Variants in MTMR10 observed in about 807,000 individuals in gnomAD.
MTMR10 encodes myotubularin related protein 10.
Under a neutral mutation model 88.1 loss-of-function variants are expected in MTMR10, and 56 were observed. That is an observed-to-expected ratio of 0.64 (90% CI 0.51 to 0.79). The LOEUF is 0.79. Ranked by LOEUF, MTMR10 falls within the 30% of genes least tolerant of loss-of-function variation. The pLI is 0.00. For missense variants in MTMR10, 883 were observed against 924.7 expected, an observed-to-expected ratio of 0.95 and a Z score of 0.58; for synonymous variants, 380 against 340.9, an observed-to-expected ratio of 1.11 and a Z score of -1.26.
chr15:30,943,681 C>T (rs2063121647), intron 14 of MTMR10: 2 of 985,314 alleles, frequency 2.0e-6, no homozygotes, highest in Non-Finnish European at 2.4e-6. Context: ...CAGGAGTCCA[C>T]CTCTAGCCCG....
At chr15:30,989,862 G>A (rs2031194750) in intron 2 of MTMR10, among the ~76,000 whole-genome samples, 1 of 152,124 alleles carries the variant, frequency 6.6e-6, no homozygotes. Context: ...TGGGATTACA[G>A]GCATGAGCCA....
rs1395835324 is a variant in MTMR10 at position 30,959,975 on chromosome 15, T to C, written c.759-854A>G. ...GATCCCCTAGGGAACCAGCTCACTA[T>C]TTGGAAAAATGTTAAGTAAAGGAGA... On this transcript the variant is annotated intron_variant, in intron 7 of 15. Transcript: ENST00000435680. 3.3e-5 allele frequency among the ~76,000 whole-genome samples: 5 copies of C among 152,302 alleles called. No individual in the cohort carries two copies. In the East Asian group the frequency reaches 9.6e-4, roughly 29 times the overall value.
chr15:30,928,338 A>T, the MTMR10 span: 1 of 1,300,176 alleles, frequency 7.7e-7, no homozygotes, highest in Non-Finnish European at 9.7e-7. Flanking sequence ...GATTACTAAG[A>T]TTTTTGCCCT....
At chr15:30,926,663 C>T in the MTMR10 span, 13 of 985,226 alleles carry the variant, frequency 1.3e-5, no homozygotes, top group East Asian at 4.5e-4. Flanking sequence ...CAGAGAGATA[C>T]AGTAGGCCTG....
At chr15:30,976,792 A>C (rs1411379510) in intron 3 of MTMR10, 27 bp downstream of exon 3, 1 of 1,600,030 alleles carries the variant, frequency 6.2e-7, no homozygotes, top group East Asian at 2.2e-5. Flanking sequence ...GCCTGATAGA[A>C]TGAAACAGTG....
chr15:30,977,884 A>G (rs1353155603), intron 2 of MTMR10, among the ~76,000 whole-genome samples: 1 of 152,254 alleles, frequency 6.6e-6, no homozygotes, highest in Non-Finnish European at 1.5e-5. Context: ...AAAAATGTAC[A>G]AGGCTAGTTT....
In MTMR10 at chr15:30,941,589, A is replaced by G. The variant is rs1421879939; in HGVS notation, c.2215T>C (p.Phe739Leu). The change falls in exon 16 of 16, where the codon TTT becomes CTT. Residue 739 changes from phenylalanine (F) to leucine (L), a missense_variant. Physicochemically the swap from Phe to Leu is conservative, Grantham distance 22. This residue lies in a region of MTMR10 where 343 missense variants were observed against 323.2 expected (regional missense o/e 1.06). Coordinates refer to ENST00000435680, the MANE Select transcript of MTMR10 (RefSeq NM_017762.3). ...SGTPEFLSSS[F>L]PFSPVGNLCR... Reference sequence around the variant, plus strand: ...AGATTCCCTACAGGAGAAAATGGAAATGAGGAGGAGAGAAACTCCGGTGTC... The same window carrying G: ...AGATTCCCTACAGGAGAAAATGGAAGTGAGGAGGAGAGAAACTCCGGTGTC... 2 of 1,600,020 alleles carry G rather than the reference A, an allele frequency of 1.2e-6. No homozygotes were observed. The highest frequency in any genetic ancestry group is 3.5e-5 in the Admixed American group (2 of 57,112).
the MTMR10 span, among the ~76,000 whole-genome samples, chr15:30,919,562 G>C: frequency 6.6e-6 from 1 of 151,098 alleles, no homozygotes; most frequent in Non-Finnish European, 1.5e-5. Context: ...GTTGTGACGA[G>C]TGTCTGTAAT....
chr15:30,950,621 G>A (rs1314562723), intron 12 of MTMR10, among the ~76,000 whole-genome samples: 3 of 150,954 alleles, frequency 2.0e-5, no homozygotes, highest in Non-Finnish European at 2.9e-5. Context: ...AGTGAGCTGA[G>A]ATCGTTCCAC....
At chr15:30,923,552 C>T in the MTMR10 span, among the ~76,000 whole-genome samples, 1 of 152,146 alleles carries the variant, frequency 6.6e-6, no homozygotes, top group African/African-American at 2.4e-5. Flanking sequence ...TGATCTTTAC[C>T]TCAGTCTCCA....
In MTMR10 at chr15:30,976,792, A is replaced by G; in HGVS notation, c.258+27T>C. On this transcript the variant is annotated intron_variant, in intron 3 of 15. Coordinates refer to ENST00000435680, the MANE Select transcript of MTMR10 (RefSeq NM_017762.3). ...CACTTAGAGTTGAAAGCCTGATAGA[A>G]TGAAACAGTGTACTAATAAAACACA... 4 of 1,600,148 alleles carry G rather than the reference A, an allele frequency of 2.5e-6. No individual in the cohort carries two copies. In the East Asian group the frequency reaches 8.9e-5, roughly 36 times the overall value.
At chr15:30,929,615 AATAT>A in the MTMR10 span, among the ~76,000 whole-genome samples, 1 of 129,826 alleles carries the variant, frequency 7.7e-6, no homozygotes, top group Non-Finnish European at 1.5e-5. Flanking sequence ...TTACATATAT[AATAT>A]ATATTATATA....
At chr15:30,946,508 GCTCA>G (rs2063173479) in intron 14 of MTMR10, 3 of 507,626 alleles carry the variant, frequency 5.9e-6, no homozygotes, top group Non-Finnish European at 1.1e-5. Flanking sequence ...AGACCCCGGA[GCTCA>G]CTATGAGGGC....
downstream of MTMR10, among the ~76,000 whole-genome samples, chr15:30,935,640 G>T (rs1217580999): frequency 6.6e-6 from 1 of 152,136 alleles, no homozygotes; most frequent in Non-Finnish European, 1.5e-5. Context: ...TGGTAACAGA[G>T]GGGGTCCTTG....
chr15:30,925,921 C>T, the MTMR10 span: 104 of 1,614,214 alleles, frequency 6.4e-5, no homozygotes, highest in African/African-American at 3.9e-4. Flanking sequence ...CCATTACAGA[C>T]GCAGCGGTTT....
At chr15:30,986,535 A>G (rs929010319) in intron 2 of MTMR10, among the ~76,000 whole-genome samples, 2 of 152,184 alleles carry the variant, frequency 1.3e-5, no homozygotes, top group African/African-American at 2.4e-5. Context: ...TTTTAAAGCT[A>G]CAGCTATTAT....
chr15:30,956,453 G>A (rs1043684405), intron 9 of MTMR10: 2 of 152,184 alleles, frequency 1.3e-5, no homozygotes, highest in Non-Finnish European at 2.9e-5. Context: ...GCTACTTTAG[G>A]TCACATGGTG....
the MTMR10 span, chr15:30,928,376 G>A: frequency 2.1e-6 from 3 of 1,437,554 alleles, no homozygotes; most frequent in South Asian, 1.5e-5. Context: ...ACAACATACT[G>A]TATAAAATAA....
In MTMR10 at chr15:30,940,668, C is replaced by T. The variant is rs1262219578; in HGVS notation, c.*802G>A. On this transcript the variant is annotated 3_prime_UTR_variant, in exon 16 of 16. Transcript: ENST00000435680. ...AATCAGCACCCCAGAGGCCACTCCCCAGTGGCTTTCAGAGGAACAAGACTC... is the reference window on the plus strand; with the variant it reads ...AATCAGCACCCCAGAGGCCACTCCCTAGTGGCTTTCAGAGGAACAAGACTC... 7.1e-6 allele frequency: 7 copies of T among 986,958 alleles called. No individual in the cohort carries two copies. Among genetic ancestry groups the T allele is most frequent in the Non-Finnish European group, 7.2e-6 (6 of 831,228 alleles). The allele number at this position is 986,958 out of a possible 1,614,324, so 61.1% of individuals were successfully genotyped here.
Sources: allele counts gnomAD v4.1 joint callset (sites outside exome capture counted in the v4.1 genomes callset), GRCh38; gene constraint gnomAD v4.1.1; regional missense constraint gnomAD v4.1.1; transcripts MANE v1.5; gene names NCBI Gene and HGNC (gene_info 2026-07-23, HGNC 2026-07-21).